Variants in IQCK observed in about 807,000 individuals in gnomAD.
IQCK encodes IQ domain-containing protein K.
Under a neutral mutation model 28.1 loss-of-function variants are expected in IQCK, and 29 were observed. The ratio of observed to expected loss-of-function variants is 1.03; its 90% confidence interval spans 0.77 to 1.41. IQCK has a LOEUF of 1.41. Ranked by LOEUF, IQCK falls within the 40% of genes most tolerant of loss-of-function variation. The pLI is 0.00. For missense variants in IQCK, 359 were observed against 314.7 expected (o/e 1.14, Z -1.07); for synonymous variants, 113 against 115.1 (o/e 0.98, Z 0.12).
At chr16:19,854,990 T>A (rs887602445) in intron 9 of IQCK, among the ~76,000 whole-genome samples, 1 of 152,192 alleles carries the variant, frequency 6.6e-6, no homozygotes, top group African/African-American at 2.4e-5. Flanking sequence ...TTAAAAATAT[T>A]TTTTTCTGAT....
intron 6 of IQCK, among the ~76,000 whole-genome samples, chr16:19,767,346 C>T (rs926241985): frequency 1.3e-5 from 2 of 152,160 alleles, no homozygotes; most frequent in African/African-American, 2.4e-5. Context: ...TCAGATCACA[C>T]GTGGGCTTGG....
chr16:19,790,825 A>G (rs2055607558), intron 7 of IQCK, among the ~76,000 whole-genome samples: 1 of 63,698 alleles, frequency 1.6e-5, no homozygotes, highest in Non-Finnish European at 2.5e-5. Flanking sequence ...AAAACAAACA[A>G]ACAAACAAAC....
chr16:19,767,714 G>T (rs768029459), intron 6 of IQCK, among the ~76,000 whole-genome samples: 9 of 151,970 alleles, frequency 5.9e-5, no homozygotes, highest in Non-Finnish European at 5.9e-5. Flanking sequence ...GCAACATTTG[G>T]CAGGAAATGG....
intron 9 of IQCK, among the ~76,000 whole-genome samples, chr16:19,841,247 C>A (rs2141111859): frequency 6.6e-6 from 1 of 152,258 alleles, no homozygotes; most frequent in African/African-American, 2.4e-5. Flanking sequence ...GAAACCTTTT[C>A]AAAAATGCCT....
At chr16:19,856,989 ATAAAAAAGACCTTATACTTAATGAT>A (rs1262010880) in exon 10 of IQCK, 1 of 168,762 alleles carries the variant, frequency 5.9e-6, no homozygotes, top group Non-Finnish European at 1.3e-5. Context: ...TACTCTCTTT[ATAAAAAAGACCTTATACTTAATGAT>A]CATTTCCAAA....
chr16:19,828,239 T>TC, downstream of IQCK, among the ~76,000 whole-genome samples: 1 of 140,126 alleles, frequency 7.1e-6, no homozygotes, highest in African/African-American at 2.7e-5. Context: ...TTCTTTTTTT[T>TC]TTTTTTTTTT....
chr16:19,802,601 T>TAGGGG (rs1429859647), intron 7 of IQCK, among the ~76,000 whole-genome samples: 2 of 141,996 alleles, frequency 1.4e-5, no homozygotes, highest in Non-Finnish European at 3.0e-5. Flanking sequence ...TTTTCCTGAA[T>TAGGGG]AGGGGTTCTT....
At chr16:19,819,781 C>G (rs747316333) in intron 7 of IQCK, among the ~76,000 whole-genome samples, 57 of 151,198 alleles carry the variant, frequency 3.8e-4, no homozygotes, top group Non-Finnish European at 7.1e-4. Context: ...TGGGAGGCCA[C>G]GGGGGGCAGA....
intron 6 of IQCK, among the ~76,000 whole-genome samples, chr16:19,784,101 T>C (rs1374909149): frequency 2.6e-5 from 4 of 152,206 alleles, no homozygotes; most frequent in Non-Finnish European, 5.9e-5. Context: ...TGTTTAGCCT[T>C]CCTGACATAG....
chr16:19,846,797 T>C (rs1223088346), intron 9 of IQCK, among the ~76,000 whole-genome samples: 7 of 152,198 alleles, frequency 4.6e-5, no homozygotes, highest in South Asian at 2.1e-4. Flanking sequence ...GTTCTTCTAG[T>C]TGGGGGCAGA....
At chr16:19,758,509 T>C (rs2055086003) in intron 4 of IQCK, among the ~76,000 whole-genome samples, 1 of 152,246 alleles carries the variant, frequency 6.6e-6, no homozygotes, top group Admixed American at 6.5e-5. Flanking sequence ...AATGATGTGA[T>C]AAATGCCAAG....
At chr16:19,727,046 G>C (rs1423982401) in intron 1 of IQCK, among the ~76,000 whole-genome samples, 1 of 151,228 alleles carries the variant, frequency 6.6e-6, no homozygotes, top group Non-Finnish European at 1.5e-5. Flanking sequence ...CAAGAGAATT[G>C]CTTGAAGCTA....
chr16:19,720,891 A>G (rs763270100), intron 1 of IQCK, among the ~76,000 whole-genome samples: 1 of 152,144 alleles, frequency 6.6e-6, no homozygotes, highest in Non-Finnish European at 1.5e-5. Context: ...GGTGGTGGGT[A>G]ATCCCAGCTA....
At chr16:19,719,650 G>A (rs1016951782) in intron 1 of IQCK, among the ~76,000 whole-genome samples, 9 of 147,840 alleles carry the variant, frequency 6.1e-5, no homozygotes, top group African/African-American at 2.0e-4. Context: ...TTGAGTAACT[G>A]AATTTCTTGT....
At chr16:19,815,512 AAAACAAAACAAAACT>A (rs2141073201) in intron 7 of IQCK, among the ~76,000 whole-genome samples, 1 of 152,234 alleles carries the variant, frequency 6.6e-6, no homozygotes, top group African/African-American at 2.4e-5. Flanking sequence ...AAAACAAAAC[AAAACAAAACAAAACT>A]AGGCATGGTG....
intron 1 of IQCK, among the ~76,000 whole-genome samples, chr16:19,722,451 A>G (rs1977524477): frequency 6.6e-6 from 1 of 152,194 alleles, no homozygotes; most frequent in South Asian, 2.1e-4. Flanking sequence ...ATCAGGAAGA[A>G]ACCTCCACCA....
intron 7 of IQCK, among the ~76,000 whole-genome samples, chr16:19,820,139 G>A (rs1834474964): frequency 6.6e-6 from 1 of 151,884 alleles, no homozygotes; most frequent in Non-Finnish European, 1.5e-5. Flanking sequence ...GAAAACATAG[G>A]GATAAATCTT....
chr16:19,764,321 T>C (rs1194302142), intron 6 of IQCK: 1 of 439,454 alleles, frequency 2.3e-6, no homozygotes, highest in East Asian at 3.3e-5. Flanking sequence ...ACTCCAGAAA[T>C]AAAATAGAAA....
intron 4 of IQCK, among the ~76,000 whole-genome samples, chr16:19,760,145 A>AT (rs987463515): frequency 7.9e-5 from 12 of 152,138 alleles, no homozygotes; most frequent in Non-Finnish European, 1.6e-4. Flanking sequence ...AAAATATATA[A>AT]TTTTTTAAAA....
Sources: allele counts gnomAD v4.1 joint callset (sites outside exome capture counted in the v4.1 genomes callset), GRCh38; gene constraint gnomAD v4.1.1; transcripts MANE v1.5; gene names NCBI Gene and HGNC (gene_info 2026-07-23, HGNC 2026-07-21).